RNF14: variants seen among roughly 807,000 people sequenced by gnomAD.
RNF14 encodes the protein ring finger protein 14, also known as E3 ubiquitin-protein ligase RNF14.
Under a neutral mutation model 52.6 loss-of-function variants are expected in RNF14, and 26 were observed. The observed-to-expected ratio is 0.49, with a 90% confidence interval of 0.36 to 0.69. The LOEUF (loss-of-function observed/expected upper bound fraction) is 0.69. Ranked by LOEUF, RNF14 falls within the 30% of genes least tolerant of loss-of-function variation. RNF14 has a pLI of 0.00. For synonymous variants in RNF14, 194 were observed against 202.0 expected, an observed-to-expected ratio of 0.96 and a Z score of 0.34; for missense variants, 404 against 560.4, an observed-to-expected ratio of 0.72 and a Z score of 2.82.
At chr5:141,950,208 A>C in the RNF14 span, among the ~76,000 whole-genome samples, 128 of 152,088 alleles carry the variant, frequency 8.4e-4, no homozygotes, top group African/African-American at 2.9e-3. Context: ...TGCTACCTGC[A>C]CCCCAGTCTC....
chr5:141,985,996 G>A (rs532167969), intron 8 of RNF14, among the ~76,000 whole-genome samples: 3 of 152,266 alleles, frequency 2.0e-5, no homozygotes, highest in East Asian at 3.9e-4. Flanking sequence ...AGCTTGATTC[G>A]ATTTAGAATA....
chr5:141,975,045 G>T, intron 4 of RNF14, 90 bp downstream of exon 4: 1 of 1,367,452 alleles, frequency 7.3e-7, no homozygotes, highest in Non-Finnish European at 1.0e-6. Flanking sequence ...CTTGAATTCA[G>T]TGCATGAAAA....
In RNF14 at chr5:141,983,285, CATT is replaced by C. The variant is rs1754941131; in HGVS notation, c.1064-91_1064-89del. Reference sequence around the variant, plus strand: ...CCTTATGATAAAGTTCTAGGAATAACATTATTGAATAGTCGAAGATTATAGCCA... The same window carrying C: ...CCTTATGATAAAGTTCTAGGAATAACATTGAATAGTCGAAGATTATAGCCA... On this transcript the variant is annotated intron_variant, in intron 6 of 8. Coordinates refer to ENST00000394520, the MANE Select transcript of RNF14 (RefSeq NM_004290.5). 10 of 968,664 alleles carry C rather than the reference CATT, an allele frequency of 1.0e-5. No homozygotes were observed. In the South Asian group the frequency reaches 1.3e-4, roughly 12 times the overall value. 60.0% of individuals were successfully genotyped at this position (968,664 alleles called of 1,614,324 possible).
chr5:141,984,537 G>T (rs1447113206), intron 7 of RNF14, among the ~76,000 whole-genome samples: 4 of 152,200 alleles, frequency 2.6e-5, no homozygotes, highest in Admixed American at 6.5e-5. Context: ...ACATTTTCCA[G>T]TTATACTTGT....
At chr5:141,985,059 A>G (rs909472247) in intron 8 of RNF14, 126 bp downstream of exon 8, 29 of 879,096 alleles carry the variant, frequency 3.3e-5, no homozygotes, top group Non-Finnish European at 4.7e-5. Flanking sequence ...GTTTTCCCCT[A>G]TAAAGGAATT....
chr5:141,987,558 T>G (rs1249561860), intron 8 of RNF14, among the ~76,000 whole-genome samples, 175 bp from the exon 9 acceptor site: 1 of 152,064 alleles, frequency 6.6e-6, no homozygotes, highest in East Asian at 1.9e-4. Flanking sequence ...TTAACTAACT[T>G]TAGGGTAGAT....
At chr5:141,957,713 C>T (rs1232764286), upstream of RNF14, 8 of 1,614,094 alleles carry the variant, frequency 5.0e-6, no homozygotes, top group South Asian at 1.1e-5. This position sits in a 1 kb window ranked among gnomAD's most constrained non-coding sequence, Gnocchi z 4.3. Context: ...GACAGCTTCC[C>T]GATCACTGTA....
At chr5:141,972,894 T>A (rs1280492075) in intron 2 of RNF14, among the ~76,000 whole-genome samples, 1 of 152,066 alleles carries the variant, frequency 6.6e-6, no homozygotes, top group East Asian at 1.9e-4. Context: ...CCTGGCAAAT[T>A]AACTTAAGAA....
At chr5:141,980,556 CA>C (rs1754677559) in intron 6 of RNF14, among the ~76,000 whole-genome samples, 1 of 152,282 alleles carries the variant, frequency 6.6e-6, no homozygotes, top group Middle Eastern at 3.4e-3. Flanking sequence ...CACATTCTAC[CA>C]GGGGAGACAG....
upstream of RNF14, among the ~76,000 whole-genome samples, chr5:141,967,762 A>G (rs1227558210): frequency 6.6e-6 from 1 of 152,254 alleles, no homozygotes; most frequent in Non-Finnish European, 1.5e-5. Flanking sequence ...GGGTCCCAGG[A>G]GAAGGAGCCA....
At chr5:141,950,332 T>A in the RNF14 span, among the ~76,000 whole-genome samples, 1 of 152,180 alleles carries the variant, frequency 6.6e-6, no homozygotes, top group Non-Finnish European at 1.5e-5. Context: ...GGAGTCCTTC[T>A]GTTTGTTTGG....
upstream of RNF14, among the ~76,000 whole-genome samples, chr5:141,968,502 A>G (rs1323949043): frequency 6.6e-6 from 1 of 152,180 alleles, no homozygotes; most frequent in Non-Finnish European, 1.5e-5. Flanking sequence ...GTATAATTTT[A>G]ATTCCTGCTT....
chr5:141,973,831 T>G, intron 3 of RNF14, 89 bp downstream of exon 3: 1 of 1,153,214 alleles, frequency 8.7e-7, no homozygotes, highest in Non-Finnish European at 1.2e-6. Context: ...GTTTTAGGCA[T>G]TAGTGATAGG....
At chr5:141,966,855 T>A (rs1753361059), upstream of RNF14, 2 of 152,304 alleles carry the variant, frequency 1.3e-5, no homozygotes, top group Non-Finnish European at 2.9e-5. Flanking sequence ...GCTTCCTCAC[T>A]TTTTTCCTCA....
chr5:141,971,658 T>G (rs1254470934), intron 2 of RNF14, among the ~76,000 whole-genome samples: 78 of 101,600 alleles, frequency 7.7e-4, no homozygotes, highest in African/African-American at 3.3e-3. Context: ...TTTTTTTTTT[T>G]GGAGACAGAG....
At chr5:141,975,793 T>C (rs1181188230) in intron 4 of RNF14, among the ~76,000 whole-genome samples, 4 of 151,954 alleles carry the variant, frequency 2.6e-5, no homozygotes, top group African/African-American at 9.7e-5. Flanking sequence ...AGTGTGGTGG[T>C]GCGTCCCTGT....
intron 4 of RNF14, among the ~76,000 whole-genome samples, chr5:141,975,428 T>C (rs6876841): frequency 0.015 from 2,276 of 152,324 alleles, 56 homozygotes; most frequent in African/African-American, 0.053. Context: ...TGTAAAAATC[T>C]GTATTAATAA....
Position 141,974,857 on chromosome 5 carries a change from C to T in RNF14, c.208C>T (p.Leu70=). The T allele has an allele frequency of 5.0e-6, 8 of 1,614,074 alleles. No homozygotes were observed. The highest frequency in any genetic ancestry group is 5.9e-6 in the Non-Finnish European group (7 of 1,179,960). The change falls in exon 4 of 9, where the codon CTG becomes TTG. Residue 70 remains leucine, a synonymous_variant. Coordinates refer to ENST00000394520, the MANE Select transcript of RNF14 (RefSeq NM_004290.5). ...TGGCTTTGAATACACCATTTGCTTT[C>T]TGCCTCCACTTGTGCTGAACTTTGA... The part of the protein sequence containing the change: ...NSGFEYTICF[L]PPLVLNFELP...
chr5:141,958,044 G>GA, upstream of RNF14: 2 of 636,794 alleles, frequency 3.1e-6, no homozygotes, highest in South Asian at 4.2e-5. Context: ...CATTGGAAGC[G>GA]ATCTGAGATG....
Sources: allele counts gnomAD v4.1 joint callset (sites outside exome capture counted in the v4.1 genomes callset), GRCh38; gene constraint gnomAD v4.1.1; non-coding constraint Gnocchi (gnomAD v3.1); transcripts MANE v1.5; gene names NCBI Gene and HGNC (gene_info 2026-07-23, HGNC 2026-07-21).